Variants in SHISA9 observed in about 807,000 individuals in gnomAD.
The protein encoded by SHISA9 is protein shisa-9.
SHISA9 carries 13 observed loss-of-function variants against 38.0 expected under a neutral mutation model. That is an observed-to-expected ratio of 0.34 (90% CI 0.22 to 0.54). The LOEUF (loss-of-function observed/expected upper bound fraction) is 0.54, where lower values mean the gene tolerates loss of function less well. SHISA9 is among the 20% of genes least tolerant of loss of function. SHISA9 has a pLI of 0.91. For synonymous variants in SHISA9, 275 were observed against 242.0 expected (o/e 1.14, Z -1.27); for missense variants, 538 against 575.8 (o/e 0.93, Z 0.67).
the SHISA9 span, among the ~76,000 whole-genome samples, chr16:13,424,980 A>G: frequency 6.6e-6 from 1 of 152,242 alleles, no homozygotes; most frequent in Admixed American, 6.5e-5. Flanking sequence ...CTTCATTCAA[A>G]GAGAACCACT....
chr16:13,439,974 C>T, the SHISA9 span, among the ~76,000 whole-genome samples: 3 of 152,178 alleles, frequency 2.0e-5, no homozygotes, highest in African/African-American at 4.8e-5. Context: ...AGATAAAATG[C>T]TGTTAAGGAA....
chr16:13,012,931 C>T (rs1005648280), intron 2 of SHISA9, among the ~76,000 whole-genome samples: 5 of 152,148 alleles, frequency 3.3e-5, no homozygotes, highest in African/African-American at 1.2e-4. Flanking sequence ...CCATGGTACC[C>T]AGGCAGGGGG....
At chr16:12,942,914 G>A (rs907301104) in intron 2 of SHISA9, among the ~76,000 whole-genome samples, 1 of 152,090 alleles carries the variant, frequency 6.6e-6, no homozygotes, top group Non-Finnish European at 1.5e-5. Context: ...AGATGTTCTC[G>A]GGGCTCTGAC....
the SHISA9 span, among the ~76,000 whole-genome samples, chr16:13,373,282 T>G: frequency 6.6e-6 from 1 of 152,240 alleles, no homozygotes; most frequent in Non-Finnish European, 1.5e-5. Flanking sequence ...AGCTCCTTGT[T>G]GCAAACACTT....
At chr16:13,093,282 C>G (rs1318455179) in intron 2 of SHISA9, among the ~76,000 whole-genome samples, 2 of 152,176 alleles carry the variant, frequency 1.3e-5, no homozygotes, top group Admixed American at 1.3e-4. Context: ...GTCACTATAA[C>G]TGTTGGGTTA....
At chr16:13,438,405 C>T in the SHISA9 span, among the ~76,000 whole-genome samples, 1 of 152,102 alleles carries the variant, frequency 6.6e-6, no homozygotes, top group African/African-American at 2.4e-5. Flanking sequence ...TACCTATTTT[C>T]TATCTCTAAC....
chr16:13,352,699 A>AGCGGGGGGGGGGGGG, the SHISA9 span, among the ~76,000 whole-genome samples: 1 of 6,716 alleles, frequency 1.5e-4, no homozygotes, highest in African/African-American at 3.4e-4. Context: ...AAGGGAGATA[A>AGCGGGGGGGGGGGGG]GGGGGGGGGG....
At chr16:13,531,025 G>A in the SHISA9 span, among the ~76,000 whole-genome samples, 1 of 152,204 alleles carries the variant, frequency 6.6e-6, no homozygotes, top group Non-Finnish European at 1.5e-5. Context: ...AGTGAGTAAA[G>A]CAGAGAAGAA....
chr16:13,323,578 A>T, the SHISA9 span, among the ~76,000 whole-genome samples: 2 of 152,186 alleles, frequency 1.3e-5, no homozygotes, highest in Non-Finnish European at 1.5e-5. Flanking sequence ...AGACTGTGTC[A>T]TCTATAAAGA....
intron 1 of SHISA9, among the ~76,000 whole-genome samples, chr16:12,914,333 C>G (rs937850335): frequency 4.6e-5 from 7 of 151,918 alleles, no homozygotes; most frequent in African/African-American, 1.4e-4. Context: ...CGTGAGCCAC[C>G]GTGCCCGGTA....
chr16:13,557,757 G>A, the SHISA9 span, among the ~76,000 whole-genome samples: 1 of 152,236 alleles, frequency 6.6e-6, no homozygotes, highest in Middle Eastern at 3.4e-3. Context: ...ACCCAGGAAG[G>A]AGATGAACGT....
the SHISA9 span, among the ~76,000 whole-genome samples, chr16:13,279,873 C>T: frequency 6.6e-6 from 1 of 151,814 alleles, no homozygotes; most frequent in Non-Finnish European, 1.5e-5. Flanking sequence ...CAGTAATGCT[C>T]TTTGTATTAA....
chr16:13,552,161 C>G, the SHISA9 span, among the ~76,000 whole-genome samples: 1 of 152,102 alleles, frequency 6.6e-6, no homozygotes, highest in South Asian at 2.1e-4. Flanking sequence ...GCAGGCTTCT[C>G]CAGAATGAGA....
At chr16:13,275,401 TA>T in the SHISA9 span, among the ~76,000 whole-genome samples, 1 of 152,156 alleles carries the variant, frequency 6.6e-6, no homozygotes, top group African/African-American at 2.4e-5. Context: ...TCTTTCTATG[TA>T]AACATTTTTC....
intron 2 of SHISA9, among the ~76,000 whole-genome samples, chr16:12,994,139 A>C (rs1204205544): frequency 6.6e-6 from 1 of 152,188 alleles, no homozygotes; most frequent in Non-Finnish European, 1.5e-5. Context: ...TGGAAACAGA[A>C]GTTGTGAAAA....
At chr16:13,206,469 A>C (rs906925862) in intron 3 of SHISA9, among the ~76,000 whole-genome samples, 1 of 152,234 alleles carries the variant, frequency 6.6e-6, no homozygotes. Flanking sequence ...TCTAAGATGC[A>C]TGTGGTAACC....
intron 2 of SHISA9, among the ~76,000 whole-genome samples, chr16:13,084,916 A>T (rs568959075): frequency 6.6e-6 from 1 of 152,318 alleles, no homozygotes; most frequent in South Asian, 2.1e-4. Flanking sequence ...TTTGAGGCCA[A>T]TTTATTTGAG....
the SHISA9 span, among the ~76,000 whole-genome samples, chr16:13,468,816 A>G: frequency 1.3e-5 from 2 of 152,132 alleles, no homozygotes; most frequent in Non-Finnish European, 2.9e-5. Context: ...GTCTGTCTCT[A>G]TGAAGAAAAA....
chr16:13,112,177 T>C (rs950259224), intron 2 of SHISA9, among the ~76,000 whole-genome samples: 3 of 152,214 alleles, frequency 2.0e-5, no homozygotes, highest in Non-Finnish European at 4.4e-5. Context: ...GAAAAAGGCC[T>C]GAGGACTTGT....
Sources: gnomAD v4.1 joint callset for allele counts (sites outside exome capture counted in the v4.1 genomes callset) on GRCh38, gnomAD v4.1.1 for gene constraint, MANE v1.5 for transcripts, NCBI Gene and HGNC (gene_info 2026-07-23, HGNC 2026-07-21) for gene names.